Variants in GPM6B observed in about 807,000 individuals in gnomAD.
The protein encoded by GPM6B is glycoprotein M6B, also known as neuronal membrane glycoprotein M6-b.
GPM6B carries 4 observed loss-of-function variants against 27.2 expected under a neutral mutation model. The ratio of observed to expected loss-of-function variants is 0.15; its 90% CI spans 0.07 to 0.34. The LOEUF (loss-of-function observed/expected upper bound fraction) is 0.34. Among genes scored for constraint, GPM6B ranks in the 10% least tolerant of loss-of-function variants. The pLI is 1.00. For synonymous variants in GPM6B, 124 were observed against 103.1 expected, an observed-to-expected ratio of 1.20 and a Z score of -1.23; for missense variants, 183 against 261.9, an observed-to-expected ratio of 0.70 and a Z score of 2.08.
intron 1 of GPM6B, among the ~76,000 whole-genome samples, chrX:13,903,329 T>C (rs1397479947): frequency 1.8e-5 from 2 of 112,066 alleles, no homozygotes; most frequent in Non-Finnish European, 3.8e-5. Flanking sequence ...TCACAGGTAC[T>C]GAGCATTTGC....
rs749023190 is a variant in GPM6B, at chrX:13,771,966, G to A, written c.*915C>T. 1.8e-5 allele frequency: 2 copies of A among 112,408 alleles called. No individual in the cohort carries two copies. The highest frequency in any genetic ancestry group is 1.9e-4 in the Admixed American group (2 of 10,555). The allele number at this position is 112,408 out of a possible 1,213,427, so 9.3% of individuals were successfully genotyped here. ...TATGAAACTGTAAACTTCGTATCCA[G>A]ACCACTGAAAAATGGTTTAGAATGG... On this transcript the variant is annotated 3_prime_UTR_variant, in exon 8 of 8. Coordinates refer to ENST00000316715, the MANE Select transcript of GPM6B (RefSeq NM_001001995.3).
intron 1 of GPM6B, among the ~76,000 whole-genome samples, chrX:13,843,673 G>A (rs1416417696): frequency 8.9e-6 from 1 of 112,185 alleles, no homozygotes; most frequent in Non-Finnish European, 1.9e-5. Flanking sequence ...GTTTCAATTT[G>A]CATTTCCCAA....
At chrX:13,782,126 T>G (rs1027260200) in intron 4 of GPM6B, among the ~76,000 whole-genome samples, 3 of 112,130 alleles carry the variant, frequency 2.7e-5, no homozygotes, top group African/African-American at 9.7e-5. Flanking sequence ...CGGAAGCACA[T>G]GAGGTGCCAG....
At chrX:13,787,041 C>CAAAAAAAAAAAAAAAAAAAAAAAAAA (rs869123073) in intron 2 of GPM6B, among the ~76,000 whole-genome samples, 3 of 24,511 alleles carry the variant, frequency 1.2e-4, no homozygotes, top group African/African-American at 6.1e-4. Context: ...ATTAAGCCAG[C>CAAAAAAAAAAAAAAAAAAAAAAAAAA]AAAAAAAAAA....
intron 1 of GPM6B, among the ~76,000 whole-genome samples, chrX:13,908,137 G>C (rs1348862962): frequency 9.0e-6 from 1 of 111,584 alleles, no homozygotes; most frequent in African/African-American, 3.3e-5. Context: ...ATGCATGTGT[G>C]AGGGCAGTGA....
At chrX:13,909,120 C>CTTTTTT (rs368081524) in intron 1 of GPM6B, among the ~76,000 whole-genome samples, 8 of 69,831 alleles carry the variant, frequency 1.1e-4, no homozygotes, top group Admixed American at 1.9e-4. Context: ...TGTTCATATC[C>CTTTTTT]TTTTTTTTTT....
intron 1 of GPM6B, among the ~76,000 whole-genome samples, chrX:13,921,048 G>A (rs1279593282): frequency 2.7e-5 from 3 of 112,199 alleles, no homozygotes; most frequent in Non-Finnish European, 5.6e-5. Flanking sequence ...TTACAATTCA[G>A]TTTTATATCA....
At chrX:13,855,871 C>A (rs1446033015) in intron 1 of GPM6B, among the ~76,000 whole-genome samples, 2 of 111,551 alleles carry the variant, frequency 1.8e-5, no homozygotes, top group Admixed American at 9.5e-5. Flanking sequence ...GCCAAGCCAC[C>A]AGTTCTAGTA....
intron 1 of GPM6B, among the ~76,000 whole-genome samples, chrX:13,826,529 A>G (rs1403932765): frequency 2.8e-5 from 3 of 106,726 alleles, no homozygotes; most frequent in African/African-American, 7.1e-5. Flanking sequence ...ACATAGAAAG[A>G]CCCTGCCTCT....
chrX:13,829,131 A>C (rs1276400017), intron 1 of GPM6B, among the ~76,000 whole-genome samples: 3 of 111,826 alleles, frequency 2.7e-5, no homozygotes, highest in African/African-American at 9.8e-5. Flanking sequence ...ATCACTTGCA[A>C]CTATCTCCCC....
intron 1 of GPM6B, among the ~76,000 whole-genome samples, chrX:13,875,737 GACA>G (rs1319816935): frequency 1.8e-5 from 2 of 112,255 alleles, no homozygotes; most frequent in African/African-American, 3.2e-5. Context: ...GATGAATGTT[GACA>G]ACATTATGCT....
chrX:13,906,251 T>A (rs1603128068), intron 1 of GPM6B, among the ~76,000 whole-genome samples: 1 of 112,120 alleles, frequency 8.9e-6, no homozygotes, highest in South Asian at 3.7e-4. Context: ...AGTTACAAAG[T>A]TGGGGGCTAG....
At chrX:13,837,982 G>C (rs2049525188) in intron 1 of GPM6B, among the ~76,000 whole-genome samples, 1 of 110,691 alleles carries the variant, frequency 9.0e-6, no homozygotes, top group Non-Finnish European at 1.9e-5. Flanking sequence ...TCTTGCTATG[G>C]AGCATGACAT....
intron 1 of GPM6B, among the ~76,000 whole-genome samples, chrX:13,916,843 G>A (rs1028634073): frequency 2.7e-5 from 3 of 111,073 alleles, no homozygotes; most frequent in Non-Finnish European, 5.7e-5. Flanking sequence ...AGGCACATCT[G>A]CCTTATAACT....
chrX:13,876,526 G>C (rs1180262219), intron 1 of GPM6B, among the ~76,000 whole-genome samples: 1 of 112,093 alleles, frequency 8.9e-6, no homozygotes, highest in Non-Finnish European at 1.9e-5. Context: ...AGTAGATAAT[G>C]TCACAGGGAA....
Position 13,800,682 on chromosome X carries a change from G to A in GPM6B, c.181+6968C>T, listed in dbSNP as rs374543651. Among the ~76,000 whole-genome samples the A allele has an allele frequency of 3.0e-3, 336 of 111,740 alleles. 2 individuals carry two copies. Among genetic ancestry groups the A allele is most frequent in the African/African-American group, 0.01 (312 of 30,766 alleles). On this transcript the variant is annotated intron_variant, in intron 2 of 7. Transcript: ENST00000316715. Reference sequence around the variant, plus strand: ...ATACATACACAGGCTGAACTGAAACGATACTTTACCAAAGATGTTATAATG... The same window carrying A: ...ATACATACACAGGCTGAACTGAAACAATACTTTACCAAAGATGTTATAATG...
chrX:13,806,398 A>C (rs1396111248), intron 2 of GPM6B, among the ~76,000 whole-genome samples: 1 of 111,800 alleles, frequency 8.9e-6, no homozygotes, highest in Non-Finnish European at 1.9e-5. Context: ...TATCACGTCT[A>C]ATGACTTTTT....
chrX:13,834,130 T>C (rs2049471387), intron 1 of GPM6B, among the ~76,000 whole-genome samples: 1 of 112,749 alleles, frequency 8.9e-6, no homozygotes, highest in African/African-American at 3.2e-5. Flanking sequence ...AGGGAAATTT[T>C]AAAACCATCC....
Position 13,935,719 on chromosome X carries a change from T to C in GPM6B, c.-198+2608A>G, listed in dbSNP as rs749490987. ...TCAAAATTCTGTTGGGCAATGCAAG[T>C]TCCTATCAGATAAAACCAGAGTTAA... On this transcript the variant is annotated intron_variant, in intron 1 of 6. Coordinates refer to the GPM6B transcript ENST00000398361. Among the ~76,000 whole-genome samples the C allele has an allele frequency of 1.2e-4, 14 of 112,133 alleles. No homozygotes were observed. The East Asian group carries it at 3.9e-3, about 31-fold the overall frequency.
Sources: gnomAD v4.1 joint callset for allele counts (sites outside exome capture counted in the v4.1 genomes callset) on GRCh38, gnomAD v4.1.1 for gene constraint, MANE v1.5 for transcripts, NCBI Gene and HGNC (gene_info 2026-07-23, HGNC 2026-07-21) for gene names.